Variants in FGF12 observed in about 807,000 individuals in gnomAD.
FGF12 encodes the protein fibroblast growth factor 12.
A neutral mutation model predicts 23.6 loss-of-function variants in FGF12; 14 were observed. That is an observed-to-expected ratio of 0.59 (90% CI 0.39 to 0.93). FGF12 has a LOEUF of 0.93. Among genes scored for constraint, FGF12 ranks in the 40% least tolerant of loss-of-function variants. The pLI is 0.00. For synonymous variants in FGF12, 62 were observed against 77.3 expected (o/e 0.80, Z 1.04); for missense variants, 175 against 217.8 (o/e 0.80, Z 1.24).
rs79717272 is a variant in FGF12, at chr3:192,180,048, G to C, written c.229-9392C>G. ...TGTCATGAGGATCTCTTACCTGTGAGAGGTTAATTAAGATTATCTTGCTTA... is the reference window on the plus strand; with the variant it reads ...TGTCATGAGGATCTCTTACCTGTGACAGGTTAATTAAGATTATCTTGCTTA... On this transcript the variant is annotated intron_variant, in intron 4 of 5. Transcript: ENST00000445105. Among the ~76,000 whole-genome samples, 506 of 152,250 alleles carry C rather than the reference G, an allele frequency of 3.3e-3. 8 individuals are homozygous for C. Among genetic ancestry groups the C allele is most frequent in the East Asian group, 0.031 (160 of 5,184 alleles).
chr3:192,432,464 C>G (rs1721886350), intron 2 of FGF12, among the ~76,000 whole-genome samples: 1 of 151,938 alleles, frequency 6.6e-6, no homozygotes, highest in Non-Finnish European at 1.5e-5. Context: ...GATGAGATAT[C>G]ACTCTCTGGA....
chr3:192,528,950 G>C (rs1443348199), intron 2 of FGF12, among the ~76,000 whole-genome samples: 4 of 152,138 alleles, frequency 2.6e-5, no homozygotes, highest in African/African-American at 9.7e-5. Flanking sequence ...AGTCCTCTAG[G>C]CCTGAGATGG....
chr3:192,144,899 C>T (rs746945703), intron 5 of FGF12, among the ~76,000 whole-genome samples: 30 of 152,202 alleles, frequency 2.0e-4, no homozygotes, highest in Non-Finnish European at 3.4e-4. Flanking sequence ...AATTCAGCTT[C>T]ATTACACTCT....
intron 2 of FGF12, among the ~76,000 whole-genome samples, chr3:192,681,057 A>T (rs950000640): frequency 2.6e-5 from 4 of 152,232 alleles, no homozygotes; most frequent in Admixed American, 2.0e-4. Context: ...ATACTTGTAA[A>T]CATTTTATTT....
At chr3:192,701,766 A>T (rs1718305666) in intron 2 of FGF12, among the ~76,000 whole-genome samples, 1 of 152,196 alleles carries the variant, frequency 6.6e-6, no homozygotes, top group East Asian at 1.9e-4. Context: ...ATTATTTTTT[A>T]AATTATATAT....
chr3:192,150,195 A>C lies in FGF12; in HGVS notation c.428-6068T>G, dbSNP rs1400150005. On this transcript the variant is annotated intron_variant, in intron 5 of 5. Coordinates refer to ENST00000445105, the MANE Select transcript of FGF12 (RefSeq NM_004113.6). ...TTTTCTTGTAAATTTGTTTGAGTTC[A>C]TTGTAGATTCTGGATATTAGCCCTT... is the stretch of plus-strand genomic sequence containing the variant. Among the ~76,000 whole-genome samples, 20 of 79,378 alleles carry C rather than the reference A, an allele frequency of 2.5e-4. 2 individuals are homozygous for C. The East Asian group carries it at 5.6e-3, about 22-fold the overall frequency. 52.1% of individuals were successfully genotyped at this position (79,378 alleles called of 152,430 possible).
chr3:192,602,756 A>G (rs1452324328), intron 2 of FGF12, among the ~76,000 whole-genome samples: 1 of 151,888 alleles, frequency 6.6e-6, no homozygotes, highest in Non-Finnish European at 1.5e-5. Flanking sequence ...ATACAGGTCA[A>G]TATCCCTGAT....
At chr3:192,457,424 T>C (rs759594663) in intron 2 of FGF12, among the ~76,000 whole-genome samples, 5 of 152,192 alleles carry the variant, frequency 3.3e-5, no homozygotes, top group Non-Finnish European at 5.9e-5. Flanking sequence ...GATAGTGATA[T>C]GAACAATAAG....
intron 2 of FGF12, among the ~76,000 whole-genome samples, chr3:192,656,127 T>C (rs1170467718): frequency 6.6e-6 from 1 of 151,848 alleles, no homozygotes; most frequent in East Asian, 1.9e-4. Flanking sequence ...AAATGTATGT[T>C]AATTAATGTA....
chr3:192,298,273 T>C (rs1271167038), intron 4 of FGF12, among the ~76,000 whole-genome samples: 2 of 152,216 alleles, frequency 1.3e-5, no homozygotes, highest in Non-Finnish European at 2.9e-5. Flanking sequence ...CTTGATCTCA[T>C]AGAGTTTACA....
intron 4 of FGF12, among the ~76,000 whole-genome samples, chr3:192,312,384 G>A (rs1715996076): frequency 6.7e-6 from 1 of 149,422 alleles, no homozygotes; most frequent in Non-Finnish European, 1.5e-5. Context: ...TTTTTCATAT[G>A]TCATGTGAAA....
At chr3:192,284,612 C>G (rs1185927909) in intron 4 of FGF12, among the ~76,000 whole-genome samples, 1 of 151,968 alleles carries the variant, frequency 6.6e-6, no homozygotes, top group Non-Finnish European at 1.5e-5. Context: ...TGCAGAACAG[C>G]CTTTTATCTA....
At chr3:192,463,225 C>A (rs1005902512) in intron 2 of FGF12, among the ~76,000 whole-genome samples, 6 of 152,038 alleles carry the variant, frequency 3.9e-5, no homozygotes, top group African/African-American at 1.4e-4. Context: ...TCGAGACCAG[C>A]CTGGACAACG....
intron 4 of FGF12, among the ~76,000 whole-genome samples, chr3:192,320,975 G>T (rs1716501699): frequency 6.6e-6 from 1 of 151,916 alleles, no homozygotes; most frequent in Admixed American, 6.6e-5. Flanking sequence ...AGTAGTAAAG[G>T]AATTTGAAAT....
intron 4 of FGF12, among the ~76,000 whole-genome samples, chr3:192,308,743 G>A (rs1041819234): frequency 6.6e-6 from 1 of 151,694 alleles, no homozygotes; most frequent in Non-Finnish European, 1.5e-5. Context: ...AACCAAATAA[G>A]GTCCTTTAAA....
rs77626960 is a variant in FGF12, at chr3:192,288,066, T to TAA, written c.228+47293_228+47294dup. On this transcript the variant is annotated intron_variant, in intron 4 of 5. Transcript: ENST00000445105. The stretch of plus-strand genomic sequence containing the variant: ...ATAAGTTGAAGGAAAGGCTTTAGAA[T>TAA]AAAAAAAATCTTCCAAAAGTGCTTC... 1.1e-4 allele frequency among the ~76,000 whole-genome samples: 16 copies of TAA among 151,606 alleles called. No individual in the cohort carries two copies. The South Asian group carries it at 2.9e-3, about 28-fold the overall frequency.
At chr3:192,678,895 C>G (rs1482961032) in intron 2 of FGF12, among the ~76,000 whole-genome samples, 1 of 152,084 alleles carries the variant, frequency 6.6e-6, no homozygotes, top group Non-Finnish European at 1.5e-5. Context: ...GGTTCTCAAT[C>G]TTTAATATGC....
intron 5 of FGF12, among the ~76,000 whole-genome samples, chr3:192,167,163 C>CA (rs35097529): frequency 0.045 from 4,848 of 108,034 alleles, 137 homozygotes; most frequent in Non-Finnish European, 0.062. Flanking sequence ...ATATGGCTAT[C>CA]AAAAAAAAAA....
intron 2 of FGF12, among the ~76,000 whole-genome samples, chr3:192,637,006 C>T (rs566336734): frequency 1.6e-4 from 24 of 152,276 alleles, no homozygotes; most frequent in African/African-American, 5.1e-4. Flanking sequence ...TGACAATCCA[C>T]CTTAGCCTGA....
Sources: gnomAD v4.1 joint callset for allele counts (sites outside exome capture counted in the v4.1 genomes callset) on GRCh38, gnomAD v4.1.1 for gene constraint, MANE v1.5 for transcripts, NCBI Gene and HGNC (gene_info 2026-07-23, HGNC 2026-07-21) for gene names.